FRK: variants seen among roughly 807,000 people sequenced by gnomAD.
FRK encodes fyn related Src family tyrosine kinase.
FRK carries 51 observed loss-of-function variants against 56.4 expected under a neutral mutation model. That is an observed-to-expected ratio of 0.90 (90% confidence interval 0.72 to 1.14). The LOEUF (loss-of-function observed/expected upper bound fraction) is 1.14. FRK is among the 50% of genes most tolerant of loss of function. The pLI is 0.00. For synonymous variants in FRK, 245 were observed against 217.9 expected, an observed-to-expected ratio of 1.12 and a Z score of -1.10; for missense variants, 570 against 601.4, an observed-to-expected ratio of 0.95 and a Z score of 0.55.
intron 1 of FRK, among the ~76,000 whole-genome samples, chr6:116,012,428 C>G (rs1285665967): frequency 6.6e-6 from 1 of 152,192 alleles, no homozygotes; most frequent in East Asian, 1.9e-4. Flanking sequence ...GCTCAGAATT[C>G]CTACAGTATT....
the FRK span, among the ~76,000 whole-genome samples, chr6:116,085,991 G>A: frequency 1.8e-4 from 28 of 151,640 alleles, 1 homozygote; most frequent in Admixed American, 1.6e-3. Context: ...TCTCATTACC[G>A]TTTGAATGTC....
At chr6:116,060,893 A>G (rs1777603082), upstream of FRK, 1 of 152,652 alleles carries the variant, frequency 6.6e-6, no homozygotes, top group Admixed American at 6.5e-5. Flanking sequence ...ACAGACTGTA[A>G]TAATTTCCCC....
chr6:116,006,773 T>C (rs4354188), intron 1 of FRK, among the ~76,000 whole-genome samples: 58,993 of 151,982 alleles, frequency 0.39, 11,831 homozygotes, highest in Middle Eastern at 0.5. Context: ...TAGTGCACTA[T>C]GATCGCACCT....
At chr6:116,040,472 T>C (rs944168008) in intron 1 of FRK, among the ~76,000 whole-genome samples, 3 of 152,192 alleles carry the variant, frequency 2.0e-5, no homozygotes, top group African/African-American at 7.2e-5. Context: ...AAACAATATA[T>C]TATTTGGTTT....
At chr6:116,020,305 G>GT (rs113415192) in intron 1 of FRK, among the ~76,000 whole-genome samples, 105 of 149,230 alleles carry the variant, frequency 7.0e-4, no homozygotes, top group Middle Eastern at 3.5e-3. Context: ...TTTGTTTTTT[G>GT]TTTTTTTTTG....
chr6:115,942,500 G>A lies in FRK; in HGVS notation c.1432C>T (p.Pro478Ser). The change falls in exon 8 of 8, where the codon CCT becomes TCT. Residue 478 changes from proline to serine, a missense_variant. Transcript: ENST00000606080. ...TTCCAACGCAGTGTCTCAAATGTAG[G>A]TCGTTCCTTAGGCTCTGCATTCCAG... Reference protein sequence around the residue: ...ECWNAEPKERPTFETLRWKLE... With the variant: ...ECWNAEPKERSTFETLRWKLE... 6.2e-7 allele frequency: 1 copy of A among 1,613,726 alleles called. No individual in the cohort carries two copies. Among genetic ancestry groups the A allele is most frequent in the Non-Finnish European group, 8.5e-7 (1 of 1,179,760 alleles).
intron 2 of FRK, among the ~76,000 whole-genome samples, chr6:115,989,883 T>A (rs918402306): frequency 6.6e-6 from 1 of 151,892 alleles, no homozygotes; most frequent in Non-Finnish European, 1.5e-5. Context: ...ATAGGAGTTA[T>A]ACTAATTTAC....
chr6:116,071,324 G>C, the FRK span, among the ~76,000 whole-genome samples: 1 of 152,216 alleles, frequency 6.6e-6, no homozygotes, highest in Non-Finnish European at 1.5e-5. Flanking sequence ...ATTCGCTACT[G>C]GTTGACTGTA....
At chr6:116,044,346 G>A (rs945002139) in intron 1 of FRK, among the ~76,000 whole-genome samples, 1 of 152,160 alleles carries the variant, frequency 6.6e-6, no homozygotes, top group African/African-American at 2.4e-5. Context: ...ATAAAATACT[G>A]GCAAACTGAA....
the FRK span, among the ~76,000 whole-genome samples, chr6:116,072,564 C>CAA: frequency 0.058 from 8,677 of 149,448 alleles, 466 homozygotes; most frequent in Admixed American, 0.14. Flanking sequence ...CACACACACA[C>CAA]AAGATACCTT....
chr6:116,094,288 C>T, the FRK span, among the ~76,000 whole-genome samples: 3 of 152,178 alleles, frequency 2.0e-5, no homozygotes, highest in Non-Finnish European at 4.4e-5. Context: ...CCGGGGCAAG[C>T]GCCAGCTCAT....
chr6:116,074,193 C>A, the FRK span, among the ~76,000 whole-genome samples: 1 of 152,172 alleles, frequency 6.6e-6, no homozygotes, highest in Non-Finnish European at 1.5e-5. Flanking sequence ...CTGTTATATC[C>A]TAAAGCTAAA....
At position 115,932,559 on chromosome 6, in the gene FRK, G is replaced by A. The variant is rs972547025; in HGVS notation, c.*9855C>T. 2.0e-5 allele frequency: 3 copies of A among 152,058 alleles called. No homozygotes were observed. Among genetic ancestry groups the A allele is most frequent in the South Asian group, 2.1e-4 (1 of 4,826 alleles). 9.4% of individuals were successfully genotyped at this position (152,058 alleles called of 1,614,324 possible). A position where few individuals can be genotyped will look rare whatever the true frequency, so the allele number is the denominator to read the frequency against. Reference sequence around the variant, plus strand: ...TTAAATGATGATGCAATTTGAATAAGGTACCCAAATCATCACCATTCTAGC... The same window carrying A: ...TTAAATGATGATGCAATTTGAATAAAGTACCCAAATCATCACCATTCTAGC... On this transcript the variant is annotated 3_prime_UTR_variant, in exon 8 of 8. Transcript: ENST00000606080.
At chr6:116,024,853 A>G (rs1011258882) in intron 1 of FRK, among the ~76,000 whole-genome samples, 3 of 152,192 alleles carry the variant, frequency 2.0e-5, no homozygotes, top group Non-Finnish European at 4.4e-5. Flanking sequence ...TGACTTCCAC[A>G]ATGGTTGAAC....
intron 2 of FRK, among the ~76,000 whole-genome samples, chr6:116,002,493 T>C (rs1159799483): frequency 6.6e-6 from 1 of 152,172 alleles, no homozygotes; most frequent in African/African-American, 2.4e-5. Flanking sequence ...GGCACGCGCC[T>C]GTAGTCCCAG....
At position 115,937,792 on chromosome 6, in the gene FRK, A is replaced by T. The variant is rs753976297; in HGVS notation, c.*4622T>A. The T allele has an allele frequency of 2.2e-4, 34 of 152,246 alleles. No individual in the cohort carries two copies. Among genetic ancestry groups the T allele is most frequent in the Non-Finnish European group, 4.3e-4 (29 of 68,046 alleles). 9.4% of individuals were successfully genotyped at this position (152,246 alleles called of 1,614,324 possible). ...GAATAGCTAACTATCCTAAATATAT[A>T]TACACCCAATACAGAAGCACCCAGA... On this transcript the variant is annotated 3_prime_UTR_variant, in exon 8 of 8. Coordinates refer to ENST00000606080, the MANE Select transcript of FRK (RefSeq NM_002031.3).
chr6:115,940,579 A>G lies in FRK; in HGVS notation c.*1835T>C, dbSNP rs1302370861. ...GGGAGAAAATTTTTGCAAGCTATCCATCTGACAAAGGGCTAATACCAAGAA... is the reference window on the plus strand; with the variant it reads ...GGGAGAAAATTTTTGCAAGCTATCCGTCTGACAAAGGGCTAATACCAAGAA... On this transcript the variant is annotated 3_prime_UTR_variant, in exon 8 of 8. Coordinates refer to ENST00000606080, the MANE Select transcript of FRK (RefSeq NM_002031.3). The G allele has an allele frequency of 6.6e-6, 1 of 152,228 alleles. No individual in the cohort carries two copies. Among genetic ancestry groups the G allele is most frequent in the Non-Finnish European group, 1.5e-5 (1 of 68,042 alleles). The allele number at this position is 152,228 out of a possible 1,614,324, so 9.4% of individuals were successfully genotyped here.
At chr6:116,099,500 C>T in the FRK span, among the ~76,000 whole-genome samples, 28 of 152,226 alleles carry the variant, frequency 1.8e-4, no homozygotes, top group Non-Finnish European at 2.5e-4. Context: ...ACAATCCAGC[C>T]TTTTCTCTTT....
chr6:116,046,399 A>G (rs923896566), intron 1 of FRK, among the ~76,000 whole-genome samples: 4 of 152,262 alleles, frequency 2.6e-5, no homozygotes, highest in Non-Finnish European at 5.9e-5. Flanking sequence ...CATCAGTGAT[A>G]GACTGGATAA....
Sources: gnomAD v4.1 joint callset for allele counts (sites outside exome capture counted in the v4.1 genomes callset) on GRCh38, gnomAD v4.1.1 for gene constraint, MANE v1.5 for transcripts, NCBI Gene and HGNC (gene_info 2026-07-23, HGNC 2026-07-21) for gene names.